The following FUT9 variants were observed in gnomAD, a reference collection of about 807,000 sequenced individuals.
FUT9 encodes fucosyltransferase 9.
FUT9 carries 15 observed loss-of-function variants against 29.7 expected under a neutral mutation model. That is an observed-to-expected ratio of 0.51 (90% CI 0.34 to 0.78). The LOEUF (loss-of-function observed/expected upper bound fraction) is 0.78, where lower values mean the gene tolerates loss of function less well. Among genes scored for constraint, FUT9 ranks in the 30% least tolerant of loss-of-function variants. The pLI is 0.01. For missense variants in FUT9, 319 were observed against 425.4 expected (o/e 0.75, Z 2.20); for synonymous variants, 169 against 153.7 (o/e 1.10, Z -0.74).
intron 2 of FUT9, among the ~76,000 whole-genome samples, chr6:96,198,832 T>A (rs1773677440): frequency 6.6e-6 from 1 of 152,166 alleles, no homozygotes; most frequent in African/African-American, 2.4e-5. Flanking sequence ...AGATGGTATC[T>A]CATTGTGGTT....
In FUT9 at chr6:96,041,078, C is replaced by T. The variant is rs77970985; in HGVS notation, c.-98+24866C>T. On this transcript the variant is annotated intron_variant, in intron 1 of 2. Coordinates refer to ENST00000302103, the MANE Select transcript of FUT9 (RefSeq NM_006581.4). ...CTCTAGGCTGGGCCAGTGTCCCTCC[C>T]GGTTTATGCCTTTCCCCAGTTTTTC... 8.0e-3 allele frequency among the ~76,000 whole-genome samples: 1,218 copies of T among 151,654 alleles called. 13 individuals carry two copies. Among genetic ancestry groups the T allele is most frequent in the Non-Finnish European group, 0.012 (811 of 67,928 alleles).
rs187097714 is a variant in FUT9, at chr6:96,211,668, G to A, written c.*7433G>A. The A allele has an allele frequency of 5.5e-4, 92 of 168,060 alleles. No individual in the cohort carries two copies. The Admixed American group carries it at 5.7e-3, about 10-fold the overall frequency. The allele number at this position is 168,060 out of a possible 1,614,324, so 10.4% of individuals were successfully genotyped here. A position where few individuals can be genotyped will look rare whatever the true frequency, so the allele number is the denominator to read the frequency against. On this transcript the variant is annotated 3_prime_UTR_variant, in exon 3 of 3. Coordinates refer to ENST00000302103, the MANE Select transcript of FUT9 (RefSeq NM_006581.4). ...TAATTGCATAATAAATAGCTTTGACGTGAATAATCTCAGTTGTTCAAGTGT... is the reference window on the plus strand; with the variant it reads ...TAATTGCATAATAAATAGCTTTGACATGAATAATCTCAGTTGTTCAAGTGT...
chr6:96,203,551 T>C lies in FUT9; in HGVS notation c.396T>C (p.Ile132=), dbSNP rs777688941. 1.2e-6 allele frequency: 2 copies of C among 1,613,708 alleles called. No homozygotes were observed. Among genetic ancestry groups the C allele is most frequent in the Non-Finnish European group, 8.5e-7 (1 of 1,179,918 alleles). The change falls in exon 3 of 3, where the codon ATT becomes ATC. Residue 132 remains isoleucine (I), a synonymous_variant. Transcript: ENST00000302103. ...CTAGGCCACCCTTCCAGAAATGGAT[T>C]TGGATGAATTTGGAATCACCAACTC... ...QQARPPFQKW[I]WMNLESPTHT...
rs750318182 is a variant in FUT9 at position 96,203,812 on chromosome 6, G to A, written c.657G>A (p.Gly219=). The part of the protein sequence containing the change: ...LSKSIEIHTY[G]QAFGEYVNDK... ...AAAGCATTGAAATCCATACCTACGG[G>A]CAAGCATTTGGAGAATATGTCAATG... is the stretch of plus-strand genomic sequence containing the variant. The change falls in exon 3 of 3, where the codon GGG becomes GGA. Residue 219 remains glycine (G), a synonymous_variant. Coordinates refer to ENST00000302103, the MANE Select transcript of FUT9 (RefSeq NM_006581.4). The A allele has an allele frequency of 1.9e-6, 3 of 1,612,614 alleles. No individual in the cohort carries two copies. The highest frequency in any genetic ancestry group is 1.1e-5 in the South Asian group (1 of 91,042).
At chr6:96,072,807 T>C (rs903427948) in intron 1 of FUT9, among the ~76,000 whole-genome samples, 2 of 152,240 alleles carry the variant, frequency 1.3e-5, no homozygotes, top group Non-Finnish European at 2.9e-5. Flanking sequence ...AACATAGCTA[T>C]GTAAAGTTTA....
chr6:96,050,712 AT>A (rs1360776737), intron 1 of FUT9, among the ~76,000 whole-genome samples: 1 of 152,188 alleles, frequency 6.6e-6, no homozygotes, highest in East Asian at 1.9e-4. Context: ...TATACAGATT[AT>A]TTTTTAATGT....
rs1205665182 is a variant in FUT9, at chr6:96,203,757, C to G, written c.602C>G (p.Ala201Gly). 3 of 1,613,960 alleles carry G rather than the reference C, an allele frequency of 1.9e-6. No individual in the cohort carries two copies. Among genetic ancestry groups the G allele is most frequent in the Admixed American group, 3.3e-5 (2 of 59,930 alleles). Residue 201 changes from alanine to glycine, a missense_variant, in exon 3 of 3, where the codon GCC (alanine) becomes GGC (glycine). Ala to Gly is a moderately conservative substitution (Grantham distance 60). Coordinates refer to ENST00000302103, the MANE Select transcript of FUT9 (RefSeq NM_006581.4). ...WVVSNWNPEH[A>G]RVKYYNELSK... ...GTGAGTAACTGGAACCCTGAGCATG[C>G]CAGAGTCAAGTATTACAATGAGCTA... is the stretch of plus-strand genomic sequence containing the variant.
intron 1 of FUT9, among the ~76,000 whole-genome samples, chr6:96,097,960 G>A (rs1012673947): frequency 3.3e-5 from 5 of 151,720 alleles, no homozygotes; most frequent in African/African-American, 9.7e-5. Context: ...TCAAAATACC[G>A]TGCCACCCTT....
intron 1 of FUT9, among the ~76,000 whole-genome samples, chr6:96,035,654 T>TAATA (rs1399809160): frequency 2.2e-5 from 1 of 45,248 alleles, no homozygotes; most frequent in African/African-American, 7.7e-5. Flanking sequence ...TTTATTATAC[T>TAATA]AATATAATAT....
intron 1 of FUT9, among the ~76,000 whole-genome samples, chr6:96,107,903 C>T (rs895996459): frequency 2.0e-5 from 3 of 151,182 alleles, no homozygotes. Flanking sequence ...GAAGAAAGCA[C>T]AACCCTTGAA....
Position 96,027,087 on chromosome 6 carries a change from T to C in FUT9, c.-98+10875T>C, listed in dbSNP as rs114947539. 3.2e-3 allele frequency among the ~76,000 whole-genome samples: 488 copies of C among 151,832 alleles called. 2 individuals are homozygous for C. The highest frequency in any genetic ancestry group is 0.011 in the African/African-American group (474 of 41,518). ...TAAAATTTCTTAATGACCATTGTTT[T>C]ACTTATAGTCATGTAAATATTCATA... On this transcript the variant is annotated intron_variant, in intron 1 of 2. Transcript: ENST00000302103.
At chr6:96,104,610 A>C (rs1167276908) in intron 1 of FUT9, among the ~76,000 whole-genome samples, 2 of 151,140 alleles carry the variant, frequency 1.3e-5, no homozygotes, top group African/African-American at 2.4e-5. Context: ...GGCTCACCGC[A>C]ATCTCCGCTT....
chr6:96,045,059 C>T (rs1230117752), intron 1 of FUT9, among the ~76,000 whole-genome samples: 2 of 152,146 alleles, frequency 1.3e-5, no homozygotes, highest in South Asian at 2.1e-4. Flanking sequence ...TGACCAGGCT[C>T]ACTGAACAGG....
At chr6:96,177,831 A>T (rs968937884) in intron 2 of FUT9, among the ~76,000 whole-genome samples, 4 of 152,194 alleles carry the variant, frequency 2.6e-5, no homozygotes, top group African/African-American at 9.7e-5. Context: ...AAGGTCCTCA[A>T]TATAGAGTCT....
chr6:96,028,315 ATT>A, intron 1 of FUT9, among the ~76,000 whole-genome samples: 1 of 151,736 alleles, frequency 6.6e-6, no homozygotes, highest in East Asian at 1.9e-4. Context: ...TTACCTGTTT[ATT>A]GAGTTAACTG....
At chr6:96,106,825 C>T (rs148864995) in intron 1 of FUT9, among the ~76,000 whole-genome samples, 1 of 152,284 alleles carries the variant, frequency 6.6e-6, no homozygotes, top group African/African-American at 2.4e-5. Flanking sequence ...AGATGGAGTG[C>T]TTAAACTTGA....
At chr6:96,058,421 A>G (rs1432428160) in intron 1 of FUT9, among the ~76,000 whole-genome samples, 1 of 149,042 alleles carries the variant, frequency 6.7e-6, no homozygotes, top group African/African-American at 2.5e-5. Flanking sequence ...CAAGTGGATT[A>G]AGAGAGTAAG....
intron 1 of FUT9, among the ~76,000 whole-genome samples, chr6:96,063,290 A>ATG (rs1770907440): frequency 6.6e-6 from 1 of 152,142 alleles, no homozygotes; most frequent in Admixed American, 6.5e-5. Context: ...ACGGTTCTGT[A>ATG]TGTTTTACAG....
At chr6:96,175,301 T>G (rs1488910882) in intron 2 of FUT9, among the ~76,000 whole-genome samples, 1 of 152,188 alleles carries the variant, frequency 6.6e-6, no homozygotes, top group East Asian at 1.9e-4. Context: ...AGTAGAACAT[T>G]TAGCTCTGTC....
Sources: allele counts gnomAD v4.1 joint callset (sites outside exome capture counted in the v4.1 genomes callset), GRCh38; gene constraint gnomAD v4.1.1; transcripts MANE v1.5; gene names NCBI Gene and HGNC (gene_info 2026-07-23, HGNC 2026-07-21).